Variants in DOCK1 observed in about 807,000 individuals in gnomAD.
The protein encoded by DOCK1 is dedicator of cytokinesis 1, also known as dedicator of cytokinesis protein 1.
In DOCK1, 138 loss-of-function variants were observed where a neutral mutation model predicts 262.7. That is an observed-to-expected ratio of 0.53 (90% CI 0.46 to 0.61). The LOEUF (loss-of-function observed/expected upper bound fraction) is 0.61, where lower values mean the gene tolerates loss of function less well. DOCK1 is among the 20% of genes least tolerant of loss of function. The probability of loss-of-function intolerance (pLI) is 0.00; values close to 1 mark genes in which losing one functional copy is unlikely to be tolerated. For missense variants in DOCK1, 1,908 were observed against 2,370.7 expected (o/e 0.80, Z 4.05); for synonymous variants, 866 against 867.4 (o/e 1.00, Z 0.03).
intron 44 of DOCK1, among the ~76,000 whole-genome samples, chr10:127,417,015 C>T: frequency 6.6e-6 from 1 of 152,194 alleles, no homozygotes; most frequent in East Asian, 1.9e-4. Flanking sequence ...TCCACAGCCA[C>T]CTAGGAGTGC....
At chr10:127,415,707 C>G (rs1195382746) in intron 44 of DOCK1, among the ~76,000 whole-genome samples, 2 of 152,188 alleles carry the variant, frequency 1.3e-5, no homozygotes, top group African/African-American at 2.4e-5. Context: ...CCTCCCTGAC[C>G]CTTTTTAAAG....
At chr10:126,948,799 G>A (rs2035875362) in intron 1 of DOCK1, among the ~76,000 whole-genome samples, 1 of 152,044 alleles carries the variant, frequency 6.6e-6, no homozygotes, top group African/African-American at 2.4e-5. Context: ...CCTTTGGGCT[G>A]GATTTTCCAT....
chr10:126,938,276 G>T (rs36136940), intron 1 of DOCK1, among the ~76,000 whole-genome samples: 5 of 152,148 alleles, frequency 3.3e-5, no homozygotes, highest in African/African-American at 1.2e-4. Flanking sequence ...TCAAACTCCC[G>T]ACCTCAGGTG....
intron 27 of DOCK1, among the ~76,000 whole-genome samples, chr10:127,209,356 C>T (rs777804412): frequency 1.3e-5 from 2 of 152,168 alleles, no homozygotes; most frequent in Non-Finnish European, 2.9e-5. Flanking sequence ...TGAGGTCACC[C>T]TGTGTGGGAA....
At chr10:127,043,386 G>A (rs536113294) in intron 21 of DOCK1, among the ~76,000 whole-genome samples, 1 of 152,246 alleles carries the variant, frequency 6.6e-6, no homozygotes, top group South Asian at 2.1e-4. Context: ...ATAAATTCTT[G>A]TTCTCCCTCA....
chr10:126,947,736 T>TTGG (rs1485258914), intron 1 of DOCK1, among the ~76,000 whole-genome samples: 4 of 137,872 alleles, frequency 2.9e-5, no homozygotes, highest in Non-Finnish European at 6.3e-5. Context: ...AGTATTACTG[T>TTGG]TGGTGGTGAT....
chr10:127,397,429 T>C (rs1208590295), intron 38 of DOCK1, among the ~76,000 whole-genome samples: 2 of 150,892 alleles, frequency 1.3e-5, no homozygotes, highest in African/African-American at 2.4e-5. Context: ...GACTCCTATG[T>C]GATCTGAGCA....
chr10:127,260,666 T>C (rs994865747), intron 29 of DOCK1, among the ~76,000 whole-genome samples: 19 of 146,488 alleles, frequency 1.3e-4, no homozygotes, highest in Non-Finnish European at 2.7e-4. Flanking sequence ...TGTGTGTCCC[T>C]GCATGTGTGT....
chr10:127,409,292 T>C, intron 41 of DOCK1, 21 bp from the exon 42 acceptor site: 8 of 1,613,880 alleles, frequency 5.0e-6, no homozygotes, highest in Non-Finnish European at 6.8e-6. Flanking sequence ...GCCTTAGTGA[T>C]CCTTAACCCC....
chr10:127,413,157 G>T (rs1467336432), intron 43 of DOCK1, among the ~76,000 whole-genome samples: 1 of 152,160 alleles, frequency 6.6e-6, no homozygotes, highest in Non-Finnish European at 1.5e-5. Context: ...CTCCCATCTG[G>T]CAAGTAGATA....
intron 29 of DOCK1, among the ~76,000 whole-genome samples, chr10:127,336,477 G>A (rs796899741): frequency 2.6e-5 from 4 of 151,258 alleles, no homozygotes; most frequent in African/African-American, 4.9e-5. Context: ...TTTCTCAGTC[G>A]TCAGTTTCTT....
chr10:127,275,889 G>A (rs1202222527), intron 29 of DOCK1, among the ~76,000 whole-genome samples: 1 of 152,238 alleles, frequency 6.6e-6, no homozygotes, highest in Non-Finnish European at 1.5e-5. Flanking sequence ...ATATCTCTGT[G>A]ATGGCCATAT....
At position 126,995,447 on chromosome 10, in the gene DOCK1, G is replaced by A. The variant is rs12414357; in HGVS notation, c.474-1301G>A. On this transcript the variant is annotated intron_variant, in intron 6 of 51. Coordinates refer to ENST00000623213, the MANE Select transcript of DOCK1 (RefSeq NM_001290223.2). The surrounding 1 kb of genome is among the most constrained non-coding windows in gnomAD (Gnocchi z 5.8). ...CACGGTCAGGAGCTGGAGACCAGCCGGGCCAACCCGGTGAAACCCCGTCTC... is the reference window on the plus strand; with the variant it reads ...CACGGTCAGGAGCTGGAGACCAGCCAGGCCAACCCGGTGAAACCCCGTCTC... Among the ~76,000 whole-genome samples the A allele has an allele frequency of 0.23, 35,468 of 152,174 alleles. 4,653 individuals are homozygous for A. Among genetic ancestry groups the A allele is most frequent in the South Asian group, 0.38 (1,852 of 4,826 alleles).
intron 29 of DOCK1, chr10:127,271,913 T>G (rs2060582505): frequency 7.9e-6 from 1 of 127,186 alleles, no homozygotes; most frequent in Admixed American, 8.3e-5. Flanking sequence ...CCTCTTATTC[T>G]CTTTAAGATC....
At chr10:127,089,767 G>T (rs962233664) in intron 23 of DOCK1, among the ~76,000 whole-genome samples, 1 of 152,222 alleles carries the variant, frequency 6.6e-6, no homozygotes. Flanking sequence ...CAGTGCTGGC[G>T]TGTGGACACC....
chr10:127,312,845 C>T (rs1056527150), intron 29 of DOCK1, among the ~76,000 whole-genome samples: 1 of 149,550 alleles, frequency 6.7e-6, no homozygotes, highest in Non-Finnish European at 1.5e-5. Context: ...CTCCCTTCCA[C>T]TGAACAACTC....
chr10:126,949,725 A>G (rs998716044), intron 1 of DOCK1, among the ~76,000 whole-genome samples: 1 of 152,164 alleles, frequency 6.6e-6, no homozygotes, highest in Non-Finnish European at 1.5e-5. Flanking sequence ...ATTTCACCTA[A>G]AAAGGACTTT....
rs34781670 is a variant in DOCK1 at position 127,220,467 on chromosome 10, T to TA, written c.2848-27531dup. Among the ~76,000 whole-genome samples the TA allele has an allele frequency of 3.6e-3, 539 of 150,296 alleles. 7 individuals are homozygous for TA. In the East Asian group the frequency reaches 0.049, roughly 14 times the overall value. ...TATGCAGTCAAATTTTAATTTCAGGTAAAAAAAAAACTTAAGTCTATCCAT... is the reference window on the plus strand; with the variant it reads ...TATGCAGTCAAATTTTAATTTCAGGTAAAAAAAAAAACTTAAGTCTATCCAT... On this transcript the variant is annotated intron_variant, in intron 27 of 51. Coordinates refer to ENST00000623213, the MANE Select transcript of DOCK1 (RefSeq NM_001290223.2).
At chr10:127,398,154 G>T (rs763129096) in intron 38 of DOCK1, among the ~76,000 whole-genome samples, 127 of 152,300 alleles carry the variant, frequency 8.3e-4, no homozygotes, top group Admixed American at 1.2e-3. Flanking sequence ...CTGGTGCAGG[G>T]AATCAGGCCT....
Sources: allele counts gnomAD v4.1 joint callset (sites outside exome capture counted in the v4.1 genomes callset), GRCh38; gene constraint gnomAD v4.1.1; non-coding constraint Gnocchi (gnomAD v3.1); transcripts MANE v1.5; gene names NCBI Gene and HGNC (gene_info 2026-07-23, HGNC 2026-07-21).